CECR2: variants seen among roughly 807,000 people sequenced by gnomAD.
The protein encoded by CECR2 is chromatin remodeling regulator CECR2.
Under a neutral mutation model 154.5 loss-of-function variants are expected in CECR2, and 30 were observed. The ratio of observed to expected loss-of-function variants is 0.19; its 90% CI spans 0.15 to 0.26. The LOEUF (loss-of-function observed/expected upper bound fraction) is 0.26. Ranked by LOEUF, CECR2 falls within the 10% of genes least tolerant of loss-of-function variation. CECR2 has a pLI of 1.00. For missense variants in CECR2, 1,743 were observed against 1,829.3 expected (o/e 0.95, Z 0.86); for synonymous variants, 725 against 683.7 (o/e 1.06, Z -0.94).
chr22:17,482,141 A>AG (rs1316378233), intron 2 of CECR2, among the ~76,000 whole-genome samples: 1 of 74,350 alleles, frequency 1.3e-5, no homozygotes, highest in African/African-American at 4.3e-5. Flanking sequence ...AAAAAAAAAA[A>AG]GGGCGTGGCA....
At chr22:17,461,161 G>T (rs997876992) in intron 1 of CECR2, among the ~76,000 whole-genome samples, 1 of 152,174 alleles carries the variant, frequency 6.6e-6, no homozygotes, top group Non-Finnish European at 1.5e-5. Context: ...TCTGTTTATT[G>T]TAGGTCCTAG....
chr22:17,363,194 C>T (rs1468757311), intron 1 of CECR2, among the ~76,000 whole-genome samples: 4 of 151,312 alleles, frequency 2.6e-5, no homozygotes, highest in African/African-American at 4.8e-5. Context: ...GGACTACAGG[C>T]GCACCCTACC....
At chr22:17,388,783 G>T (rs2063294631) in intron 1 of CECR2, among the ~76,000 whole-genome samples, 1 of 151,954 alleles carries the variant, frequency 6.6e-6, no homozygotes. Context: ...TGTAACTCTG[G>T]GTTGGGTTTT....
chr22:17,532,279 C>A lies in CECR2; in HGVS notation c.1109-4824C>A, dbSNP rs183955058. ...TGGCATAAAATAGCAGAAATTTATT[C>A]TCTCATAGTCCTGGAAGTTAGAAAT... is the stretch of plus-strand genomic sequence containing the variant. On this transcript the variant is annotated intron_variant, in intron 9 of 18. Transcript: ENST00000262608. Among the ~76,000 whole-genome samples, 200 of 152,300 alleles carry A rather than the reference C, an allele frequency of 1.3e-3. 6 individuals are homozygous for A. Among genetic ancestry groups the A allele is most frequent in the Non-Finnish European group, 6.5e-4 (44 of 68,020 alleles).
intron 2 of CECR2, among the ~76,000 whole-genome samples, chr22:17,482,715 G>A (rs1390086029): frequency 6.6e-6 from 1 of 150,992 alleles, no homozygotes; most frequent in African/African-American, 2.4e-5. Flanking sequence ...TTTATTTTGG[G>A]GTAGAGGTAG....
intron 8 of CECR2, among the ~76,000 whole-genome samples, chr22:17,519,198 G>T (rs1384514371): frequency 1.3e-5 from 2 of 152,108 alleles, no homozygotes; most frequent in Non-Finnish European, 2.9e-5. Flanking sequence ...TGGTGGTGGG[G>T]AGTGGGGAGG....
intron 8 of CECR2, among the ~76,000 whole-genome samples, chr22:17,516,494 C>G (rs2056058657): frequency 6.6e-6 from 1 of 152,086 alleles, no homozygotes; most frequent in Non-Finnish European, 1.5e-5. Flanking sequence ...AAATTGCAAT[C>G]CCCACATGTC....
chr22:17,372,021 A>G (rs774828045), intron 1 of CECR2, among the ~76,000 whole-genome samples: 7 of 149,482 alleles, frequency 4.7e-5, no homozygotes, highest in African/African-American at 1.8e-4. Flanking sequence ...TGTAGTTTAC[A>G]TGGTGAATAA....
At chr22:17,392,039 A>C (rs897906462) in intron 1 of CECR2, among the ~76,000 whole-genome samples, 1 of 152,096 alleles carries the variant, frequency 6.6e-6, no homozygotes, top group Non-Finnish European at 1.5e-5. Flanking sequence ...CGAACTCCCA[A>C]ACTCAGGTGA....
chr22:17,400,972 G>T (rs1475658899), intron 1 of CECR2, among the ~76,000 whole-genome samples: 2 of 152,070 alleles, frequency 1.3e-5, no homozygotes, highest in Admixed American at 1.3e-4. Flanking sequence ...TCACTATGTT[G>T]CTCAGACTGG....
At chr22:17,438,619 AT>A (rs59612229) in intron 1 of CECR2, among the ~76,000 whole-genome samples, 2,589 of 147,258 alleles carry the variant, frequency 0.018, 71 homozygotes, top group African/African-American at 0.057. Flanking sequence ...ACATTATGAG[AT>A]TTTTTTTTTT....
intron 1 of CECR2, among the ~76,000 whole-genome samples, chr22:17,414,005 C>T (rs2054109225): frequency 6.7e-6 from 1 of 149,222 alleles, no homozygotes; most frequent in Admixed American, 6.7e-5. Flanking sequence ...CGGAGTCTTG[C>T]TCTGTCACCC....
chr22:17,404,330 C>CCATATACA (rs2146543358), intron 1 of CECR2, among the ~76,000 whole-genome samples: 1 of 139,094 alleles, frequency 7.2e-6, no homozygotes, highest in Admixed American at 7.5e-5. Context: ...AGTCAGTTTT[C>CCATATACA]CATATACATG....
chr22:17,537,744 G>C (rs759584095), intron 10 of CECR2, among the ~76,000 whole-genome samples: 6 of 152,164 alleles, frequency 3.9e-5, no homozygotes, highest in Non-Finnish European at 8.8e-5. Flanking sequence ...TGTAATCCCA[G>C]CACTTTGGGA....
At chr22:17,426,474 A>C (rs185624451) in intron 1 of CECR2, among the ~76,000 whole-genome samples, 68 of 152,082 alleles carry the variant, frequency 4.5e-4, no homozygotes, top group Middle Eastern at 3.4e-3. Context: ...CTCCTGCTTC[A>C]GCCTCCCAAG....
At chr22:17,510,484 T>C (rs1352911904) in intron 7 of CECR2, among the ~76,000 whole-genome samples, 1 of 152,094 alleles carries the variant, frequency 6.6e-6, no homozygotes, top group African/African-American at 2.4e-5. Context: ...AAAAAGAGCT[T>C]ATAGGTATAT....
intron 1 of CECR2, among the ~76,000 whole-genome samples, chr22:17,440,951 G>T (rs570414881): frequency 1.1e-4 from 16 of 151,578 alleles, no homozygotes; most frequent in African/African-American, 2.7e-4. Flanking sequence ...CTGTTTTTGG[G>T]GGGGAGGGGC....
intron 10 of CECR2, 37 bp downstream of exon 10, chr22:17,537,269 C>T (rs1328205704): frequency 6.2e-7 from 1 of 1,610,600 alleles, no homozygotes; most frequent in Admixed American, 1.7e-5. Flanking sequence ...GCAGTAGCAA[C>T]TGGTAGCATT....
At chr22:17,450,091 A>C (rs568567529) in intron 1 of CECR2, among the ~76,000 whole-genome samples, 1 of 152,340 alleles carries the variant, frequency 6.6e-6, no homozygotes, top group East Asian at 1.9e-4. Context: ...TGAGAACAGT[A>C]AATAGCAAGT....
Sources: allele counts gnomAD v4.1 joint callset (sites outside exome capture counted in the v4.1 genomes callset), GRCh38; gene constraint gnomAD v4.1.1; transcripts MANE v1.5; gene names NCBI Gene and HGNC (gene_info 2026-07-23, HGNC 2026-07-21).